Variants in ADAMTS20 observed in about 807,000 individuals in gnomAD.
ADAMTS20 encodes the protein ADAM metallopeptidase with thrombospondin type 1 motif 20.
ADAMTS20 carries 225 observed loss-of-function variants against 260.1 expected under a neutral mutation model. The observed-to-expected ratio is 0.87, with a 90% CI of 0.78 to 0.97. The LOEUF is 0.97. ADAMTS20 is among the 50% of genes least tolerant of loss of function. The pLI is 0.00. For missense variants in ADAMTS20, 2,400 were observed against 2,337.7 expected, an observed-to-expected ratio of 1.03 and a Z score of -0.55; for synonymous variants, 802 against 769.5, an observed-to-expected ratio of 1.04 and a Z score of -0.70.
chr12:43,391,615 T>C (rs758229696), intron 29 of ADAMTS20, among the ~76,000 whole-genome samples: 2 of 152,160 alleles, frequency 1.3e-5, no homozygotes, highest in African/African-American at 4.8e-5. Context: ...CCAGTAGGAA[T>C]TGGAGGTCAT....
intron 18 of ADAMTS20, among the ~76,000 whole-genome samples, chr12:43,439,147 C>G (rs1480036221): frequency 6.6e-6 from 1 of 152,108 alleles, no homozygotes; most frequent in African/African-American, 2.4e-5. Context: ...CACTCTATTT[C>G]TTTCCATTTT....
chr12:43,493,136 A>C, intron 5 of ADAMTS20, 34 bp downstream of exon 5: 1 of 1,410,826 alleles, frequency 7.1e-7, no homozygotes, highest in Non-Finnish European at 9.8e-7. Context: ...AACTTACTAC[A>C]ACTAAGGTTA....
chr12:43,472,266 T>C (rs947329231), intron 7 of ADAMTS20, among the ~76,000 whole-genome samples: 3 of 151,622 alleles, frequency 2.0e-5, no homozygotes, highest in Admixed American at 6.6e-5. Context: ...TGAAATGAAG[T>C]GAGAAGGGAA....
At chr12:43,547,940 T>C (rs1192806171) in intron 2 of ADAMTS20, among the ~76,000 whole-genome samples, 1 of 152,084 alleles carries the variant, frequency 6.6e-6, no homozygotes, top group East Asian at 1.9e-4. Flanking sequence ...ACCAGAAACT[T>C]GAGGAACTGA....
intron 2 of ADAMTS20, among the ~76,000 whole-genome samples, chr12:43,543,770 C>T (rs758074143): frequency 1.3e-5 from 2 of 152,018 alleles, no homozygotes; most frequent in Non-Finnish European, 2.9e-5. Context: ...ATCAACGCCC[C>T]TCATTTTCCA....
chr12:43,449,581 T>G (rs1941827531), intron 14 of ADAMTS20, among the ~76,000 whole-genome samples: 1 of 151,936 alleles, frequency 6.6e-6, no homozygotes, highest in Admixed American at 6.6e-5. Flanking sequence ...AACAAAACCC[T>G]GTTACACGAG....
intron 22 of ADAMTS20, among the ~76,000 whole-genome samples, chr12:43,430,975 G>C (rs1364508915): frequency 1.3e-5 from 2 of 152,162 alleles, no homozygotes; most frequent in Non-Finnish European, 2.9e-5. Context: ...CAGACTCCTA[G>C]CTGCCTGTTC....
At position 43,379,137 on chromosome 12, in the gene ADAMTS20, G is replaced by C. The variant is rs180971243; in HGVS notation, c.4798-1575C>G. Among the ~76,000 whole-genome samples the C allele has an allele frequency of 3.1e-4, 47 of 152,250 alleles. 1 individual carries two copies. Among genetic ancestry groups the C allele is most frequent in the Non-Finnish European group, 5.9e-4 (40 of 68,024 alleles). ...CCAGAGAATTGTCATTATTTGAACT[G>C]TTTAGTGGTTTTCTGGAAGACCCCA... On this transcript the variant is annotated intron_variant, in intron 31 of 38. Coordinates refer to ENST00000389420, the MANE Select transcript of ADAMTS20 (RefSeq NM_025003.5).
intron 37 of ADAMTS20, among the ~76,000 whole-genome samples, chr12:43,364,524 T>G (rs951309881): frequency 2.0e-5 from 3 of 152,122 alleles, no homozygotes; most frequent in Non-Finnish European, 4.4e-5. Flanking sequence ...AAGATGAAGA[T>G]ATCATATTTT....
chr12:43,541,380 G>C (rs1317254278), intron 2 of ADAMTS20, among the ~76,000 whole-genome samples: 1 of 152,072 alleles, frequency 6.6e-6, no homozygotes, highest in African/African-American at 2.4e-5. Flanking sequence ...CAATTTCCTA[G>C]GAAGGTTAAT....
intron 28 of ADAMTS20, chr12:43,423,840 A>C (rs1257962239): frequency 1.4e-6 from 1 of 714,838 alleles, no homozygotes; most frequent in South Asian, 1.5e-5. Flanking sequence ...TACATATGTG[A>C]GTGCTTTCCA....
At position 43,428,236 on chromosome 12, in the gene ADAMTS20, C is replaced by T. The variant is rs761207973; in HGVS notation, c.3945+5G>A. 3.1e-5 allele frequency: 50 copies of T among 1,612,520 alleles called. No homozygotes were observed. In the Admixed American group the frequency reaches 5.5e-4, roughly 18 times the overall value. ...AATTAATATAACTCAATAAAGATGG[C>T]TTACTGATCCCCATGGTCCGGTTCT... On this transcript the variant is annotated splice_donor_5th_base_variant and intron_variant, in intron 26 of 38. Transcript: ENST00000389420.
chr12:43,407,425 G>C (rs1362774189), intron 28 of ADAMTS20, among the ~76,000 whole-genome samples: 3 of 151,420 alleles, frequency 2.0e-5, no homozygotes, highest in Non-Finnish European at 4.4e-5. Flanking sequence ...TGCAATATGA[G>C]AGAACTTACA....
In ADAMTS20 at chr12:43,550,908, C is replaced by G. The variant is rs752026142; in HGVS notation, c.453+1G>C. The G allele has an allele frequency of 1.0e-5, 16 of 1,548,914 alleles. No individual in the cohort carries two copies. Among genetic ancestry groups the G allele is most frequent in the African/African-American group, 1.4e-5 (1 of 73,080 alleles). On this transcript the variant is annotated splice_donor_variant, in intron 2 of 38. Transcript: ENST00000389420. LOFTEE classifies it high-confidence loss of function. Reference sequence around the variant, plus strand: ...ATGCCAAGGGACCCGAGGACACTCACCAGGCCTCCGCATAAGCTGACGACG... The same window carrying G: ...ATGCCAAGGGACCCGAGGACACTCAGCAGGCCTCCGCATAAGCTGACGACG...
At chr12:43,445,497 A>G (rs1408250462) in intron 15 of ADAMTS20, among the ~76,000 whole-genome samples, 1 of 152,162 alleles carries the variant, frequency 6.6e-6, no homozygotes, top group Non-Finnish European at 1.5e-5. Flanking sequence ...GTTTTAATGG[A>G]AGTAAGTAAC....
chr12:43,377,593 T>A, intron 31 of ADAMTS20, 31 bp from the exon 32 acceptor site: 1 of 1,574,530 alleles, frequency 6.4e-7, no homozygotes, highest in South Asian at 1.2e-5. Flanking sequence ...AGAAAGAAAA[T>A]GTCATTAACT....
chr12:43,379,605 CA>C (rs1940305759), intron 31 of ADAMTS20, among the ~76,000 whole-genome samples: 2 of 152,144 alleles, frequency 1.3e-5, no homozygotes, highest in Non-Finnish European at 1.5e-5. Context: ...GCTAGGGAAC[CA>C]AAATTATTGG....
chr12:43,439,629 C>A lies in ADAMTS20; in HGVS notation c.2586G>T (p.Met862Ile), dbSNP rs373623926. 9.4e-6 allele frequency: 15 copies of A among 1,604,252 alleles called. No homozygotes were observed. Among genetic ancestry groups the A allele is most frequent in the Admixed American group, 1.7e-5 (1 of 57,288 alleles). Residue 862 changes from methionine (M) to isoleucine (I), a missense_variant, in exon 18 of 39, where the codon ATG (methionine) becomes ATT (isoleucine). Coordinates refer to ENST00000389420, the MANE Select transcript of ADAMTS20 (RefSeq NM_025003.5). ...PYGPWEGCTK[M>I]CQGLQRRNIT... ...TATTGAATGCCAGCGTACCTTGACA[C>A]ATTTTGGTACAGCCTTCCCATGGTC...
chr12:43,425,017 C>A (rs1261233695), intron 28 of ADAMTS20, among the ~76,000 whole-genome samples: 1 of 151,866 alleles, frequency 6.6e-6, no homozygotes, highest in African/African-American at 2.4e-5. Flanking sequence ...CAAAACAAAA[C>A]AAAACAAAAA....
Sources: allele counts gnomAD v4.1 joint callset (sites outside exome capture counted in the v4.1 genomes callset), GRCh38; gene constraint gnomAD v4.1.1; transcripts MANE v1.5; gene names NCBI Gene and HGNC (gene_info 2026-07-23, HGNC 2026-07-21).